SLC35F4: variants seen among roughly 807,000 people sequenced by gnomAD.
SLC35F4 encodes solute carrier family 35 member F4, also known as chromosome 14 open reading frame 36.
SLC35F4 carries 24 observed loss-of-function variants against 44.2 expected under a neutral mutation model. That is an observed-to-expected ratio of 0.54 (90% CI 0.39 to 0.76). SLC35F4 has a LOEUF of 0.76. Among genes scored for constraint, SLC35F4 ranks in the 30% least tolerant of loss-of-function variants. The pLI is 0.00. For missense variants in SLC35F4, 562 were observed against 586.1 expected (o/e 0.96, Z 0.42); for synonymous variants, 238 against 223.6 (o/e 1.06, Z -0.57).
chr14:57,751,261 T>A (rs1418977502), intron 1 of SLC35F4, among the ~76,000 whole-genome samples: 1 of 152,150 alleles, frequency 6.6e-6, no homozygotes, highest in Non-Finnish European at 1.5e-5. Flanking sequence ...CCTAACCACT[T>A]CAGGTAAGTA....
At chr14:57,646,289 C>T (rs1594691495) in intron 1 of SLC35F4, among the ~76,000 whole-genome samples, 1 of 152,230 alleles carries the variant, frequency 6.6e-6, no homozygotes, top group African/African-American at 2.4e-5. Flanking sequence ...TAATTATTGT[C>T]TCAATTTCAG....
At chr14:57,658,743 T>C (rs910879314) in intron 1 of SLC35F4, among the ~76,000 whole-genome samples, 7 of 152,258 alleles carry the variant, frequency 4.6e-5, no homozygotes, top group Admixed American at 1.3e-4. Flanking sequence ...TCTACAGATA[T>C]ATGGATGTCA....
Position 57,663,465 on chromosome 14 carries a change from G to A in SLC35F4, c.104-69341C>T, listed in dbSNP as rs578109884. ...ATCCTACTGCCAAAGCCTCATAATT[G>A]TTTGGTATTGTTACCAAGGGACTCT... is the stretch of plus-strand genomic sequence containing the variant. On this transcript the variant is annotated intron_variant, in intron 1 of 7. Coordinates refer to ENST00000556826, the MANE Select transcript of SLC35F4 (RefSeq NM_001306087.2). 2.6e-5 allele frequency among the ~76,000 whole-genome samples: 4 copies of A among 152,220 alleles called. No individual in the cohort carries two copies. The South Asian group carries it at 8.3e-4, about 32-fold the overall frequency.
At chr14:57,801,142 A>G (rs1435726847) in intron 1 of SLC35F4, among the ~76,000 whole-genome samples, 1 of 152,130 alleles carries the variant, frequency 6.6e-6, no homozygotes. Flanking sequence ...ACAAAGGGAA[A>G]CCCCCATCAC....
At chr14:57,733,553 GA>G (rs35677259) in intron 1 of SLC35F4, among the ~76,000 whole-genome samples, 1 of 147,030 alleles carries the variant, frequency 6.8e-6, no homozygotes, top group Non-Finnish European at 1.5e-5. Context: ...TACGTTAATT[GA>G]AAAAAAAAGG....
At chr14:57,688,760 T>C (rs1342113016) in intron 1 of SLC35F4, among the ~76,000 whole-genome samples, 1 of 152,186 alleles carries the variant, frequency 6.6e-6, no homozygotes, top group African/African-American at 2.4e-5. Context: ...TGGCTCATAC[T>C]CATTTGTTGA....
At chr14:57,779,112 A>AATAAT in intron 1 of SLC35F4, among the ~76,000 whole-genome samples, 2 of 151,602 alleles carry the variant, frequency 1.3e-5, no homozygotes, top group Non-Finnish European at 2.9e-5. Context: ...AGACAAAAAA[A>AATAAT]AATAATAATA....
At chr14:57,823,527 G>C (rs1883404444) in intron 1 of SLC35F4, among the ~76,000 whole-genome samples, 1 of 152,178 alleles carries the variant, frequency 6.6e-6, no homozygotes, top group Non-Finnish European at 1.5e-5. Context: ...GAGGGGCCCT[G>C]CTGTCTTGTT....
At chr14:57,901,504 C>G (rs572922837) in intron 1 of SLC35F4, among the ~76,000 whole-genome samples, 2 of 152,124 alleles carry the variant, frequency 1.3e-5, no homozygotes, top group South Asian at 4.2e-4. Flanking sequence ...GAGAACAACA[C>G]ACGCTGGGGC....
chr14:57,909,487 T>C (rs1246909489), intron 1 of SLC35F4, among the ~76,000 whole-genome samples: 1 of 151,868 alleles, frequency 6.6e-6, no homozygotes, highest in Non-Finnish European at 1.5e-5. Flanking sequence ...ATTGATCCTT[T>C]TCCTATCTCC....
chr14:57,796,951 T>C (rs538643449), intron 1 of SLC35F4, among the ~76,000 whole-genome samples: 2 of 152,326 alleles, frequency 1.3e-5, no homozygotes, highest in East Asian at 3.9e-4. Context: ...GAATGTGCTC[T>C]TGCCACTCAG....
chr14:57,977,413 G>A (rs1881250558), intron 1 of SLC35F4, among the ~76,000 whole-genome samples: 1 of 152,108 alleles, frequency 6.6e-6, no homozygotes, highest in African/African-American at 2.4e-5. Context: ...CTAGGGTTCT[G>A]GAGCAATACC....
Position 57,927,467 on chromosome 14 carries a change from GT to G in SLC35F4, n.282+54445del, listed in dbSNP as rs34018712. ...TTGTCTGAGTGACTAGGTGGTTTGA[GT>G]TTTTTTTTTTTAATTACTTTTCTTC... is the stretch of plus-strand genomic sequence containing the variant. On this transcript the variant is annotated intron_variant and non_coding_transcript_variant, in intron 1 of 1. Coordinates refer to the SLC35F4 transcript ENST00000556568. Among the ~76,000 whole-genome samples the G allele has an allele frequency of 2.8e-3, 388 of 140,886 alleles. 1 individual carries two copies. The highest frequency in any genetic ancestry group is 0.023 in the South Asian group (99 of 4,278). 92.4% of individuals were successfully genotyped at this position (140,886 alleles called of 152,430 possible).
chr14:57,788,663 A>C (rs1381050117), intron 1 of SLC35F4, among the ~76,000 whole-genome samples: 1 of 152,148 alleles, frequency 6.6e-6, no homozygotes, highest in African/African-American at 2.4e-5. Context: ...GCTGTTGTGG[A>C]TCTAACAGAC....
Position 57,584,308 on chromosome 14 carries a change from TA to T in SLC35F4, c.588-2876del, listed in dbSNP as rs552847458. Among the ~76,000 whole-genome samples, 60 of 152,212 alleles carry T rather than the reference TA, an allele frequency of 3.9e-4. 1 individual carries two copies. The Middle Eastern group carries it at 0.01, about 26-fold the overall frequency. On this transcript the variant is annotated intron_variant, in intron 3 of 7. Transcript: ENST00000556826. ...TTGAAAATTATTTTGATATTACTGA[TA>T]AAAAAATACTGGAAATGCTTTCATA...
At chr14:57,880,048 GGAAGGAAGGAAGGA>G (rs1888493868) in intron 1 of SLC35F4, among the ~76,000 whole-genome samples, 1 of 13,858 alleles carries the variant, frequency 7.2e-5, no homozygotes, top group African/African-American at 3.3e-4. Context: ...AAGGAAGGAA[GGAAGGAAGGAAGGA>G]AGGAAGGAAG....
chr14:57,702,818 A>C (rs1231028510), intron 1 of SLC35F4, among the ~76,000 whole-genome samples: 1 of 152,124 alleles, frequency 6.6e-6, no homozygotes, highest in African/African-American at 2.4e-5. Flanking sequence ...ATGGATGAGT[A>C]TATTTAGGCA....
chr14:57,870,289 C>T (rs969539145), upstream of SLC35F4, among the ~76,000 whole-genome samples: 11 of 152,056 alleles, frequency 7.2e-5, no homozygotes, highest in South Asian at 1.7e-3. Context: ...CTTCTCCCTA[C>T]AGCATTATAC....
intron 1 of SLC35F4, among the ~76,000 whole-genome samples, chr14:57,646,723 A>G (rs894000703): frequency 2.0e-5 from 3 of 152,008 alleles, no homozygotes; most frequent in Admixed American, 6.6e-5. Context: ...TAGGGTGTCA[A>G]ATTTAGATCT....
Sources: allele counts gnomAD v4.1 joint callset (sites outside exome capture counted in the v4.1 genomes callset), GRCh38; gene constraint gnomAD v4.1.1; transcripts MANE v1.5; gene names NCBI Gene and HGNC (gene_info 2026-07-23, HGNC 2026-07-21).